Variants in CERK observed in about 807,000 individuals in gnomAD.
The protein encoded by CERK is acylsphingosine kinase.
In CERK, 39 loss-of-function variants were observed where a neutral mutation model predicts 63.4. The observed-to-expected ratio is 0.61, with a 90% CI of 0.48 to 0.80. CERK has a LOEUF of 0.80. Ranked by LOEUF, CERK falls within the 30% of genes least tolerant of loss-of-function variation. The pLI, the probability that CERK is intolerant of heterozygous loss-of-function variation, is 0.00. For synonymous variants in CERK, 302 were observed against 280.0 expected (o/e 1.08, Z -0.78); for missense variants, 670 against 714.1 (o/e 0.94, Z 0.70).
Position 46,689,974 on chromosome 22 carries a change from G to A in CERK, c.1541+18C>T. 1 of 1,578,690 alleles carries A rather than the reference G, an allele frequency of 6.3e-7. No individual in the cohort carries two copies. The highest frequency in any genetic ancestry group is 8.6e-7 in the Non-Finnish European group (1 of 1,165,626). ...CTCAAGGGGATGGCGCTGGTGGCTG[G>A]AGGACCCCTGCACGCACCTGACCTC... On this transcript the variant is annotated intron_variant, in intron 12 of 12. Transcript: ENST00000216264.
At position 46,712,163 on chromosome 22, in the gene CERK, G is replaced by A. The variant is rs764661058; in HGVS notation, c.505+5C>T. On this transcript the variant is annotated splice_donor_5th_base_variant and intron_variant, in intron 4 of 12. Transcript: ENST00000216264. Reference sequence around the variant, plus strand: ...CTTCTACATAGTTAACATAGAATTTGTTACCGATGATGTCAGTGGTGATGG... The same window carrying A: ...CTTCTACATAGTTAACATAGAATTTATTACCGATGATGTCAGTGGTGATGG... 5.0e-6 allele frequency: 8 copies of A among 1,613,836 alleles called. No individual in the cohort carries two copies. The South Asian group carries it at 8.8e-5, about 18-fold the overall frequency.
chr22:46,726,632 C>T (rs28546399), intron 1 of CERK, among the ~76,000 whole-genome samples: 4,501 of 152,312 alleles, frequency 0.03, 221 homozygotes, highest in African/African-American at 0.1. Context: ...GCTGTGTGAA[C>T]ATCTGATCTT....
At chr22:46,704,099 G>A (rs1421693131) in intron 6 of CERK, among the ~76,000 whole-genome samples, 1 of 152,204 alleles carries the variant, frequency 6.6e-6, no homozygotes, top group East Asian at 1.9e-4. Context: ...CATTTGGTGG[G>A]GTGCCTGCTG....
At chr22:46,692,453 T>G (rs1341492823) in intron 10 of CERK, among the ~76,000 whole-genome samples, 1 of 118,790 alleles carries the variant, frequency 8.4e-6, no homozygotes, top group African/African-American at 3.4e-5. Context: ...AAAAAAAAAA[T>G]TAGCCAGGTA....
chr22:46,692,927 A>C (rs1310066460), intron 10 of CERK, among the ~76,000 whole-genome samples: 1 of 150,922 alleles, frequency 6.6e-6, no homozygotes, highest in Non-Finnish European at 1.5e-5. Context: ...AAAAAAAAGA[A>C]GAGAAAGAGA....
chr22:46,703,660 G>A (rs965399052), intron 6 of CERK, among the ~76,000 whole-genome samples: 7 of 152,150 alleles, frequency 4.6e-5, no homozygotes, highest in African/African-American at 1.7e-4. Flanking sequence ...ACACCCCGGA[G>A]TCTCAGACCC....
Position 46,691,554 on chromosome 22 carries a change from C to T in CERK, c.1332+18G>A, listed in dbSNP as rs2082731558. On this transcript the variant is annotated intron_variant, in intron 11 of 12. Transcript: ENST00000216264. Reference sequence around the variant, plus strand: ...ATTACTCGCCAGTGGAGGCTCCATGCAAGAGCACCCCACTTACCTGGTCCT... The same window carrying T: ...ATTACTCGCCAGTGGAGGCTCCATGTAAGAGCACCCCACTTACCTGGTCCT... The T allele has an allele frequency of 2.5e-6, 4 of 1,606,228 alleles. No homozygotes were observed. The East Asian group carries it at 8.9e-5, about 36-fold the overall frequency.
Position 46,695,216 on chromosome 22 carries a change from C to T in CERK, c.1043G>A (p.Arg348Gln), listed in dbSNP as rs148368178. 613 of 1,556,616 alleles carry T rather than the reference C, an allele frequency of 3.9e-4. 3 individuals are homozygous for T. The highest frequency in any genetic ancestry group is 1.3e-3 in the South Asian group (120 of 89,220). Reference protein sequence around the residue: ...VGSPRDRKPCRAGCFVCRQSK... With the variant: ...VGSPRDRKPCQAGCFVCRQSK... The stretch of plus-strand genomic sequence containing the variant: ...CACAAAGCAATGCACTTACCCTGCC[C>T]GGCAGGGCTTCCTATCCCTTGGAGA... Residue 348 changes from arginine (R) to glutamine (Q), a missense_variant, in exon 9 of 13, where the codon CGG becomes CAG. Transcript: ENST00000216264.
intron 1 of CERK, among the ~76,000 whole-genome samples, chr22:46,722,048 T>G (rs2082895163): frequency 6.6e-6 from 1 of 152,216 alleles, no homozygotes; most frequent in South Asian, 2.1e-4. Context: ...AAGCCAAGTT[T>G]GAGGAAGGTG....
rs758508320 is a variant in CERK at position 46,721,014 on chromosome 22, A to G, written c.144T>C (p.Asp48=). Residue 48 remains aspartate (D), a splice_region_variant and synonymous_variant, in exon 2 of 13, where the codon GAT becomes GAC. Coordinates refer to ENST00000216264, the MANE Select transcript of CERK (RefSeq NM_022766.6). The part of the protein sequence containing the change: ...PGPGAGAPGA[D]ACSVPVSEII... The stretch of plus-strand genomic sequence containing the variant: ...TCTCAGATACAGGCACAGAGCAGGC[A>G]TCTGTAAAAACACCACGTCCTTCTG... 2 of 1,601,418 alleles carry G rather than the reference A, an allele frequency of 1.2e-6. No homozygotes were observed. The highest frequency in any genetic ancestry group is 1.1e-5 in the South Asian group (1 of 90,838).
Position 46,714,399 on chromosome 22 carries a change from G to A in CERK, c.380-2106C>T, listed in dbSNP as rs1319195716. On this transcript the variant is annotated intron_variant, in intron 3 of 12. Coordinates refer to ENST00000216264, the MANE Select transcript of CERK (RefSeq NM_022766.6). This position sits in a 1 kb window ranked among gnomAD's most constrained non-coding sequence, Gnocchi z 4.4. Reference sequence around the variant, plus strand: ...GTCGAGGCTGCAGTGAGCTATGGTCGTGCCACTGCACTCCAGCCTGGGCTA... The same window carrying A: ...GTCGAGGCTGCAGTGAGCTATGGTCATGCCACTGCACTCCAGCCTGGGCTA... Among the ~76,000 whole-genome samples the A allele has an allele frequency of 1.3e-5, 2 of 152,156 alleles. No individual in the cohort carries two copies. Among genetic ancestry groups the A allele is most frequent in the African/African-American group, 2.4e-5 (1 of 41,432 alleles).
In CERK at chr22:46,687,114, G is replaced by A. The variant is rs775310593; in HGVS notation, c.*20C>T. Reference sequence around the variant, plus strand: ...AATAGTTTTCACACTTTCCCAGTTTGTGAGCAGGACGCCGGCTTCTCAGCT... The same window carrying A: ...AATAGTTTTCACACTTTCCCAGTTTATGAGCAGGACGCCGGCTTCTCAGCT... On this transcript the variant is annotated 3_prime_UTR_variant, in exon 13 of 13. Transcript: ENST00000216264. The A allele has an allele frequency of 5.0e-6, 8 of 1,609,488 alleles. No homozygotes were observed. Among genetic ancestry groups the A allele is most frequent in the East Asian group, 2.2e-5 (1 of 44,844 alleles).
chr22:46,737,998 G>C lies in CERK; in HGVS notation c.142+9C>G. On this transcript the variant is annotated intron_variant, in intron 1 of 12. Transcript: ENST00000216264. ...GGTCCGGCCGAACCCGGGCGGCGGC[G>C]ACACTCACCCGCGCCGGGGGCGCCG... is the stretch of plus-strand genomic sequence containing the variant. 8.5e-7 allele frequency: 1 copy of C among 1,170,232 alleles called. No individual in the cohort carries two copies. The highest frequency in any genetic ancestry group is 4.0e-5 in the South Asian group (1 of 25,126). The allele number at this position is 1,170,232 out of a possible 1,614,324, so 72.5% of individuals were successfully genotyped here. A position where few individuals can be genotyped will look rare whatever the true frequency, so the allele number is the denominator to read the frequency against.
chr22:46,692,109 T>A (rs1189672306), intron 10 of CERK, among the ~76,000 whole-genome samples: 3 of 152,192 alleles, frequency 2.0e-5, no homozygotes, highest in Non-Finnish European at 4.4e-5. Context: ...GCCTGAGAGC[T>A]AAGAATGCTT....
At chr22:46,705,584 T>C (rs2082809154) in intron 6 of CERK, among the ~76,000 whole-genome samples, 1 of 152,094 alleles carries the variant, frequency 6.6e-6, no homozygotes. Context: ...GGCAGGAGAA[T>C]TGCTTAAGCC....
At chr22:46,695,708 C>A (rs1601710870) in intron 8 of CERK, among the ~76,000 whole-genome samples, 1 of 152,258 alleles carries the variant, frequency 6.6e-6, no homozygotes, top group Non-Finnish European at 1.5e-5. Flanking sequence ...GATGCCCCCA[C>A]CTGCCTCAGG....
At chr22:46,700,380 C>T (rs1037214473) in intron 7 of CERK, among the ~76,000 whole-genome samples, 4 of 151,832 alleles carry the variant, frequency 2.6e-5, no homozygotes, top group Admixed American at 6.6e-5. Context: ...GCAACAAGAG[C>T]GAAACTCTGT....
At chr22:46,706,809 C>T (rs142779523) in intron 6 of CERK, among the ~76,000 whole-genome samples, 1 of 152,242 alleles carries the variant, frequency 6.6e-6, no homozygotes, top group East Asian at 1.9e-4. Flanking sequence ...TGAAAACACC[C>T]GCAATGTCAC....
intron 1 of CERK, among the ~76,000 whole-genome samples, chr22:46,724,042 C>T (rs2082905838): frequency 6.6e-6 from 1 of 152,090 alleles, no homozygotes; most frequent in South Asian, 2.1e-4. Context: ...GCCTCTCTTG[C>T]CTCCCCTTCC....
Sources: gnomAD v4.1 joint callset for allele counts (sites outside exome capture counted in the v4.1 genomes callset) on GRCh38, gnomAD v4.1.1 for gene constraint, Gnocchi (gnomAD v3.1) non-coding constraint, MANE v1.5 for transcripts, NCBI Gene and HGNC (gene_info 2026-07-23, HGNC 2026-07-21) for gene names.